Variants in RBFOX1 observed in about 807,000 individuals in gnomAD.
The protein encoded by RBFOX1 is RNA binding fox-1 homolog 1, also known as RNA binding protein fox-1 homolog 1.
In RBFOX1, 8 loss-of-function variants were observed where a neutral mutation model predicts 57.7. That is an observed-to-expected ratio of 0.14 (90% CI 0.08 to 0.25). The LOEUF is 0.25. Ranked by LOEUF, RBFOX1 falls within the 10% of genes least tolerant of loss-of-function variation. The pLI is 1.00. For synonymous variants in RBFOX1, 326 were observed against 222.4 expected (o/e 1.47, Z -4.15); for missense variants, 611 against 548.5 (o/e 1.11, Z -1.14).
In RBFOX1 at chr16:7,417,478, C is replaced by G. The variant is rs1241508968; in HGVS notation, c.28-100669C>G. Among the ~76,000 whole-genome samples the G allele has an allele frequency of 2.0e-5, 3 of 151,902 alleles. No homozygotes were observed. The South Asian group carries it at 6.2e-4, about 32-fold the overall frequency. On this transcript the variant is annotated intron_variant, in intron 4 of 15. Transcript: ENST00000550418. The stretch of plus-strand genomic sequence containing the variant: ...ACACCACCACCACCAGGAAACTGAC[C>G]TTGATCCAATGCATCCGCCTTATTC...
At chr16:7,327,954 AC>A (rs1001204837) in intron 4 of RBFOX1, among the ~76,000 whole-genome samples, 3 of 151,802 alleles carry the variant, frequency 2.0e-5, no homozygotes, top group African/African-American at 7.3e-5. Context: ...TTCTCTAGAT[AC>A]CCCCTGTCTC....
intron 2 of RBFOX1, chr16:6,573,669 G>A (rs1229256801): frequency 1.3e-5 from 2 of 152,268 alleles, no homozygotes; most frequent in Non-Finnish European, 2.9e-5. Context: ...CGGGGCTGCT[G>A]TCTGCTGTGT....
rs1160672746 is a variant in RBFOX1, at chr16:5,414,812, T to C, written c.220-52404T>C. ...ATAACGTGACATATAGAGTTGGGGG[T>C]AGGCTGTGTCAGTCACCATCCTCGG... is the stretch of plus-strand genomic sequence containing the variant. On this transcript the variant is annotated intron_variant, in intron 1 of 2. Coordinates refer to the RBFOX1 transcript ENST00000585867. Among the ~76,000 whole-genome samples, 7 of 152,052 alleles carry C rather than the reference T, an allele frequency of 4.6e-5. No homozygotes were observed. In the South Asian group the frequency reaches 6.2e-4, roughly 13 times the overall value.
intron 4 of RBFOX1, among the ~76,000 whole-genome samples, chr16:7,467,939 T>C (rs1358967928): frequency 1.3e-5 from 2 of 152,250 alleles, no homozygotes; most frequent in Admixed American, 1.3e-4. Flanking sequence ...TTGTACATTT[T>C]GGATAACAGG....
chr16:7,119,075 A>T (rs903385713), intron 4 of RBFOX1, among the ~76,000 whole-genome samples: 1 of 152,138 alleles, frequency 6.6e-6, no homozygotes, highest in Non-Finnish European at 1.5e-5. Flanking sequence ...AATAAAACCC[A>T]GTCAGTAAAA....
rs946078813 is a variant in RBFOX1, at chr16:7,107,205, A to G, written c.27+55107A>G. On this transcript the variant is annotated intron_variant, in intron 4 of 15. Transcript: ENST00000550418. ...AGGCTGAGAGAGATTGCTGGGTTCA[A>G]AGACTGAGTGGCTGGTGGGTATTAA... 6.6e-5 allele frequency among the ~76,000 whole-genome samples: 10 copies of G among 152,302 alleles called. No homozygotes were observed. The South Asian group carries it at 1.0e-3, about 16-fold the overall frequency.
At chr16:5,889,179 A>C (rs1441706500) in intron 4 of RBFOX1, among the ~76,000 whole-genome samples, 1 of 152,124 alleles carries the variant, frequency 6.6e-6, no homozygotes, top group Admixed American at 6.5e-5. Flanking sequence ...GCACAGATCA[A>C]CTCATCACCT....
At chr16:6,922,592 T>G (rs1265042450) in intron 3 of RBFOX1, among the ~76,000 whole-genome samples, 2 of 152,200 alleles carry the variant, frequency 1.3e-5, no homozygotes, top group Non-Finnish European at 2.9e-5. Flanking sequence ...GTGGAATAAA[T>G]GAACATGTGA....
intron 1 of RBFOX1, among the ~76,000 whole-genome samples, chr16:5,378,966 ATCT>A (rs1456259408): frequency 1.3e-5 from 2 of 151,574 alleles, no homozygotes; most frequent in Non-Finnish European, 2.9e-5. Flanking sequence ...GCTGCCAATA[ATCT>A]TTCCATTAAG....
At chr16:6,721,545 A>G (rs1261686825) in intron 3 of RBFOX1, among the ~76,000 whole-genome samples, 2 of 152,242 alleles carry the variant, frequency 1.3e-5, no homozygotes, top group South Asian at 2.1e-4. Flanking sequence ...GAACTTTTTC[A>G]TCTTGTAAGA....
chr16:6,639,554 CAAT>C (rs1261352296), intron 2 of RBFOX1, among the ~76,000 whole-genome samples: 1 of 152,184 alleles, frequency 6.6e-6, no homozygotes, highest in East Asian at 1.9e-4. Context: ...TACAAATACA[CAAT>C]AATAATAAAT....
intron 4 of RBFOX1, among the ~76,000 whole-genome samples, chr16:7,289,977 C>T (rs1454837108): frequency 2.0e-5 from 3 of 152,026 alleles, no homozygotes; most frequent in Admixed American, 6.6e-5. Context: ...CTCTGTGGCC[C>T]CAGAATAAGC....
At chr16:7,099,950 G>A (rs186879111) in intron 4 of RBFOX1, among the ~76,000 whole-genome samples, 10 of 152,110 alleles carry the variant, frequency 6.6e-5, no homozygotes, top group Admixed American at 6.5e-4. Context: ...TGGTGGAGAG[G>A]GGTATAATGA....
chr16:6,535,435 C>G (rs1167861666), intron 2 of RBFOX1, among the ~76,000 whole-genome samples: 1 of 152,134 alleles, frequency 6.6e-6, no homozygotes, highest in East Asian at 1.9e-4. Flanking sequence ...GAAAAGAACC[C>G]CTATGCATTT....
intron 2 of RBFOX1, among the ~76,000 whole-genome samples, chr16:6,636,776 T>TATA (rs1567981338): frequency 1.1e-4 from 2 of 17,926 alleles, no homozygotes; most frequent in Non-Finnish European, 1.5e-4. Flanking sequence ...TAATATATAA[T>TATA]ATATATAATA....
intron 1 of RBFOX1, among the ~76,000 whole-genome samples, chr16:6,118,328 C>A (rs1020626567): frequency 6.6e-6 from 1 of 152,082 alleles, no homozygotes; most frequent in Non-Finnish European, 1.5e-5. Flanking sequence ...TTACAAAATA[C>A]CTTACATTGG....
intron 4 of RBFOX1, among the ~76,000 whole-genome samples, chr16:7,258,259 C>G (rs1181998684): frequency 6.6e-6 from 1 of 152,156 alleles, no homozygotes; most frequent in East Asian, 1.9e-4. Context: ...CAGTGTCCTT[C>G]TTATTAATTA....
In RBFOX1 at chr16:7,638,534, G is replaced by A. The variant is rs1050899897; in HGVS notation, c.757+7851G>A. Among the ~76,000 whole-genome samples the A allele has an allele frequency of 2.0e-5, 3 of 152,276 alleles. No homozygotes were observed. In the South Asian group the frequency reaches 6.2e-4, roughly 32 times the overall value. On this transcript the variant is annotated intron_variant, in intron 11 of 15. Coordinates refer to ENST00000550418, the MANE Select transcript of RBFOX1 (RefSeq NM_018723.4). ...ACTCTATTTGGGCCAAGGCTGTGCT[G>A]TCTCCTCCCCATCCCATCATGTTTG... is the stretch of plus-strand genomic sequence containing the variant.
intron 3 of RBFOX1, among the ~76,000 whole-genome samples, chr16:5,840,671 G>C (rs1471527830): frequency 6.6e-6 from 1 of 152,212 alleles, no homozygotes; most frequent in African/African-American, 2.4e-5. Context: ...ACTTAGAAGT[G>C]AGGCCGTGGG....
Sources: gnomAD v4.1 joint callset for allele counts (sites outside exome capture counted in the v4.1 genomes callset) on GRCh38, gnomAD v4.1.1 for gene constraint, MANE v1.5 for transcripts, NCBI Gene and HGNC (gene_info 2026-07-23, HGNC 2026-07-21) for gene names.